Variants in EPHA3 observed in about 807,000 individuals in gnomAD.
The protein encoded by EPHA3 is EPH receptor A3, also known as ephrin type-A receptor 3.
A neutral mutation model predicts 107.1 loss-of-function variants in EPHA3; 42 were observed. That is an observed-to-expected ratio of 0.39 (90% CI 0.31 to 0.51). The LOEUF is 0.51. Among genes scored for constraint, EPHA3 ranks in the 20% least tolerant of loss-of-function variants. EPHA3 has a pLI of 0.78. For missense variants in EPHA3, 1,183 were observed against 1,211.2 expected, an observed-to-expected ratio of 0.98 and a Z score of 0.35; for synonymous variants, 461 against 424.8, an observed-to-expected ratio of 1.09 and a Z score of -1.05.
At chr3:89,204,517 A>T (rs887622751) in intron 2 of EPHA3, among the ~76,000 whole-genome samples, 3 of 92,934 alleles carry the variant, frequency 3.2e-5, no homozygotes, top group African/African-American at 8.4e-5. Context: ...CCCCAAACAA[A>T]AAAACAATTC....
chr3:89,343,872 T>C (rs115024934), intron 5 of EPHA3, among the ~76,000 whole-genome samples: 1,865 of 152,312 alleles, frequency 0.012, 38 homozygotes, highest in African/African-American at 0.042. Flanking sequence ...CTTCCGTTAA[T>C]GGTATTTATA....
At chr3:89,117,439 G>A (rs1707283602) in intron 1 of EPHA3, among the ~76,000 whole-genome samples, 1 of 151,984 alleles carries the variant, frequency 6.6e-6, no homozygotes, top group Non-Finnish European at 1.5e-5. Context: ...AAACTGTATA[G>A]CTTTTAAAGG....
intron 1 of EPHA3, among the ~76,000 whole-genome samples, chr3:89,125,551 A>G (rs149200527): frequency 0.011 from 1,609 of 151,804 alleles, 19 homozygotes; most frequent in Non-Finnish European, 0.017. Flanking sequence ...ATCCTGGGAA[A>G]TAATTCAATT....
intron 5 of EPHA3, among the ~76,000 whole-genome samples, chr3:89,352,137 G>A (rs1707839048): frequency 6.6e-6 from 1 of 151,116 alleles, no homozygotes; most frequent in South Asian, 2.1e-4. Context: ...GATCTTTGAG[G>A]CTGTTAGCTA....
intron 3 of EPHA3, among the ~76,000 whole-genome samples, chr3:89,228,916 G>T (rs1341428281): frequency 6.6e-6 from 1 of 151,926 alleles, no homozygotes; most frequent in Non-Finnish European, 1.5e-5. Context: ...TGGTTTAATG[G>T]AAATTAATGT....
chr3:89,295,331 G>GC (rs1300011322), intron 3 of EPHA3, among the ~76,000 whole-genome samples: 1 of 152,082 alleles, frequency 6.6e-6, no homozygotes, highest in East Asian at 1.9e-4. Flanking sequence ...GGAGGATCTT[G>GC]CCTCAATGTT....
chr3:89,157,035 T>C (rs2107060085), intron 2 of EPHA3, among the ~76,000 whole-genome samples: 1 of 152,174 alleles, frequency 6.6e-6, no homozygotes, highest in African/African-American at 2.4e-5. Context: ...TGTCTGCCTC[T>C]TAATATGTAG....
chr3:89,200,474 T>G (rs1437988463), intron 2 of EPHA3, among the ~76,000 whole-genome samples: 1 of 152,290 alleles, frequency 6.6e-6, no homozygotes, highest in Admixed American at 6.5e-5. Context: ...TCTTAAGAAG[T>G]CTTGCCTGGG....
At chr3:89,430,118 C>A (rs1709538069) in intron 12 of EPHA3, among the ~76,000 whole-genome samples, 1 of 152,098 alleles carries the variant, frequency 6.6e-6, no homozygotes, top group Admixed American at 6.6e-5. Context: ...AAATTTACAT[C>A]TATTTCAACA....
intron 3 of EPHA3, among the ~76,000 whole-genome samples, chr3:89,237,317 G>A (rs1225259145): frequency 6.6e-6 from 1 of 152,222 alleles, no homozygotes; most frequent in Non-Finnish European, 1.5e-5. Flanking sequence ...GCTGCAATGA[G>A]CCGAGATGGT....
At chr3:89,127,129 C>A in intron 1 of EPHA3, 80 bp from the exon 2 acceptor site, 1 of 1,072,582 alleles carries the variant, frequency 9.3e-7, no homozygotes, top group African/African-American at 1.6e-5. Context: ...ACATCAACAA[C>A]AGACAATGTG....
At chr3:89,390,219 G>A (rs1708697731) in intron 5 of EPHA3, among the ~76,000 whole-genome samples, 2 of 152,030 alleles carry the variant, frequency 1.3e-5, no homozygotes, top group African/African-American at 2.4e-5. Context: ...TCGACCTCCT[G>A]ACCTCATGAT....
At chr3:89,289,635 A>G (rs946695711) in intron 3 of EPHA3, among the ~76,000 whole-genome samples, 1 of 152,096 alleles carries the variant, frequency 6.6e-6, no homozygotes, top group African/African-American at 2.4e-5. Context: ...TTAAAATTTT[A>G]TCTAATTTTA....
intron 3 of EPHA3, among the ~76,000 whole-genome samples, chr3:89,244,163 A>T (rs569292565): frequency 2.0e-5 from 3 of 152,218 alleles, no homozygotes; most frequent in African/African-American, 7.2e-5. Flanking sequence ...ATTCTGAAAA[A>T]ATATTATTGG....
At chr3:89,410,843 G>A (rs1453953413) in intron 9 of EPHA3, among the ~76,000 whole-genome samples, 1 of 151,686 alleles carries the variant, frequency 6.6e-6, no homozygotes, top group Admixed American at 6.6e-5. Flanking sequence ...AAAGGTAAAG[G>A]GTTTTAGTAC....
intron 3 of EPHA3, among the ~76,000 whole-genome samples, chr3:89,237,069 A>G (rs918038310): frequency 2.6e-5 from 4 of 152,236 alleles, no homozygotes; most frequent in Admixed American, 2.6e-4. Flanking sequence ...GTAAACAAAT[A>G]CATAAATATA....
chr3:89,347,524 T>C (rs775513052), intron 5 of EPHA3, among the ~76,000 whole-genome samples: 18,862 of 148,102 alleles, frequency 0.13, 1,782 homozygotes, highest in South Asian at 0.2. Context: ...GCTGAGACAA[T>C]GGGGTTTTCT....
intron 5 of EPHA3, among the ~76,000 whole-genome samples, chr3:89,384,847 A>G (rs1335187325): frequency 6.6e-6 from 1 of 152,200 alleles, no homozygotes; most frequent in East Asian, 1.9e-4. Context: ...ATCACCTTGT[A>G]TAACAATGTA....
At chr3:89,239,527 A>G (rs1288424007) in intron 3 of EPHA3, among the ~76,000 whole-genome samples, 3 of 152,196 alleles carry the variant, frequency 2.0e-5, no homozygotes, top group African/African-American at 7.2e-5. Context: ...TTTGTGCAGT[A>G]TATATTTTAA....
Sources: gnomAD v4.1 joint callset for allele counts (sites outside exome capture counted in the v4.1 genomes callset) on GRCh38, gnomAD v4.1.1 for gene constraint, MANE v1.5 for transcripts, NCBI Gene and HGNC (gene_info 2026-07-23, HGNC 2026-07-21) for gene names.